Variants in EPB41L4A observed in about 807,000 individuals in gnomAD.
EPB41L4A encodes the protein erythrocyte membrane protein band 4.1 like 4A.
A neutral mutation model predicts 108.6 loss-of-function variants in EPB41L4A; 100 were observed. The ratio of observed to expected loss-of-function variants is 0.92; its 90% CI spans 0.78 to 1.09. EPB41L4A has a LOEUF of 1.09. Among genes scored for constraint, EPB41L4A ranks in the 50% least tolerant of loss-of-function variants. The pLI is 0.00. For missense variants in EPB41L4A, 1,030 were observed against 842.7 expected, an observed-to-expected ratio of 1.22 and a Z score of -2.75; for synonymous variants, 319 against 289.0, an observed-to-expected ratio of 1.10 and a Z score of -1.05.
At position 112,259,212 on chromosome 5, in the gene EPB41L4A, A is replaced by C; in HGVS notation, c.795+17T>G. The stretch of plus-strand genomic sequence containing the variant: ...GACACCCCTCTTCTAATTTAAGCTA[A>C]GGGCTTGGAAACTTACATCTTTTCC... On this transcript the variant is annotated intron_variant, in intron 9 of 22. Transcript: ENST00000261486. 1.3e-6 allele frequency: 2 copies of C among 1,600,000 alleles called. No homozygotes were observed. The highest frequency in any genetic ancestry group is 1.7e-6 in the Non-Finnish European group (2 of 1,167,204).
At chr5:112,210,143 G>T (rs1762665925) in intron 12 of EPB41L4A, 161 bp from the exon 13 acceptor site, 2 of 522,006 alleles carry the variant, frequency 3.8e-6, no homozygotes, top group East Asian at 6.8e-5. Context: ...CAATAAATTG[G>T]AGGTACTATT....
intron 18 of EPB41L4A, among the ~76,000 whole-genome samples, chr5:112,183,556 G>C (rs942742307): frequency 6.6e-6 from 1 of 152,172 alleles, no homozygotes; most frequent in Non-Finnish European, 1.5e-5. Flanking sequence ...GGAGGAGCAC[G>C]CAAATTCCAA....
intron 1 of EPB41L4A, among the ~76,000 whole-genome samples, chr5:112,384,319 T>C (rs1334850703): frequency 2.0e-5 from 3 of 152,128 alleles, no homozygotes; most frequent in African/African-American, 4.8e-5. Context: ...AAGGAAGGGA[T>C]TTTAACTTAA....
chr5:112,168,749 G>T lies in EPB41L4A; in HGVS notation c.1922C>A (p.Thr641Lys), dbSNP rs1487389376. 2.5e-6 allele frequency: 4 copies of T among 1,613,284 alleles called. No individual in the cohort carries two copies. In the Admixed American group the frequency reaches 6.7e-5, roughly 27 times the overall value. The change falls in exon 22 of 23, where the codon ACA becomes AAA. Residue 641 changes from threonine to lysine, a missense_variant. By Grantham distance (78) the Thr-to-Lys change is moderately conservative. Coordinates refer to ENST00000261486, the MANE Select transcript of EPB41L4A (RefSeq NM_022140.5). Reference protein sequence around the residue: ...SSDAQGSGDATVHQRRNGSKD... With the variant: ...SSDAQGSGDAKVHQRRNGSKD... ...CTTACTATTACTAACCTGATGAACT[G>T]TAGCATCCCCAGAACCCTGAGCATC...
At chr5:112,318,802 C>G (rs990771461) in intron 1 of EPB41L4A, among the ~76,000 whole-genome samples, 1 of 152,184 alleles carries the variant, frequency 6.6e-6, no homozygotes, top group African/African-American at 2.4e-5. Flanking sequence ...AAAGCAGATA[C>G]CAAACATTAG....
At chr5:112,212,558 G>T (rs149062994) in intron 12 of EPB41L4A, among the ~76,000 whole-genome samples, 2 of 152,104 alleles carry the variant, frequency 1.3e-5, no homozygotes, top group Admixed American at 1.3e-4. Flanking sequence ...GCCTCCCAAA[G>T]TGCTGGGATT....
intron 2 of EPB41L4A, among the ~76,000 whole-genome samples, chr5:112,283,161 C>A (rs866064188): frequency 6.6e-5 from 10 of 152,088 alleles, no homozygotes; most frequent in Non-Finnish European, 5.9e-5. Flanking sequence ...TTCTGCAGCA[C>A]GAAGCAGCAG....
intron 1 of EPB41L4A, among the ~76,000 whole-genome samples, chr5:112,395,007 T>G (rs1217335449): frequency 1.4e-5 from 2 of 142,694 alleles, no homozygotes; most frequent in African/African-American, 6.2e-5. Flanking sequence ...GGATTCCCTA[T>G]TTAATAAATG....
intron 1 of EPB41L4A, among the ~76,000 whole-genome samples, chr5:112,379,130 G>A (rs560707935): frequency 2.6e-5 from 4 of 152,132 alleles, no homozygotes; most frequent in Non-Finnish European, 5.9e-5. Flanking sequence ...GAGCACCCTG[G>A]GGGGGTCAAG....
At chr5:112,379,876 A>T (rs748845937) in intron 1 of EPB41L4A, among the ~76,000 whole-genome samples, 8 of 152,230 alleles carry the variant, frequency 5.3e-5, no homozygotes, top group Non-Finnish European at 8.8e-5. Flanking sequence ...TAATCCTATA[A>T]GACATAAGAA....
intron 1 of EPB41L4A, among the ~76,000 whole-genome samples, chr5:112,354,948 A>C (rs1256885076): frequency 1.3e-5 from 2 of 152,234 alleles, no homozygotes; most frequent in Non-Finnish European, 2.9e-5. Flanking sequence ...TCTGGAAAGA[A>C]GTATTTTATC....
chr5:112,388,793 CA>C (rs1382127899), intron 1 of EPB41L4A, among the ~76,000 whole-genome samples: 1 of 152,156 alleles, frequency 6.6e-6, no homozygotes, highest in Non-Finnish European at 1.5e-5. Context: ...GTTTGCAGAA[CA>C]AACTGTCTTT....
chr5:112,155,230 T>A (rs1408404238), intron 12 of EPB41L4A, among the ~76,000 whole-genome samples: 1 of 152,186 alleles, frequency 6.6e-6, no homozygotes, highest in Non-Finnish European at 1.5e-5. Context: ...ATTTATATTT[T>A]CCCAGAAGTT....
At chr5:112,289,379 C>T (rs370513092) in intron 2 of EPB41L4A, among the ~76,000 whole-genome samples, 3 of 152,006 alleles carry the variant, frequency 2.0e-5, no homozygotes, top group Admixed American at 1.3e-4. Context: ...AATCCAGGAG[C>T]CTAAGTAGCC....
rs116806338 is a variant in EPB41L4A, at chr5:112,191,793, G to A, written c.1502+2775C>T. ...TCCGGAGTTCCAATGGATACATCAC[G>A]GGCTCCAAAAGAGGTTCTAAAAAGC... On this transcript the variant is annotated intron_variant, in intron 17 of 22. Coordinates refer to ENST00000261486, the MANE Select transcript of EPB41L4A (RefSeq NM_022140.5). Among the ~76,000 whole-genome samples, 547 of 152,140 alleles carry A rather than the reference G, an allele frequency of 3.6e-3. 7 individuals carry two copies. The highest frequency in any genetic ancestry group is 0.013 in the African/African-American group (522 of 41,494).
intron 1 of EPB41L4A, among the ~76,000 whole-genome samples, chr5:112,348,612 C>T (rs1356358165): frequency 6.6e-6 from 1 of 152,058 alleles, no homozygotes; most frequent in African/African-American, 2.4e-5. Context: ...GGCAAATCTG[C>T]AAAGTAAGGC....
chr5:112,345,256 C>T (rs982126411), intron 1 of EPB41L4A, among the ~76,000 whole-genome samples: 2 of 152,062 alleles, frequency 1.3e-5, no homozygotes, highest in Admixed American at 6.6e-5. Context: ...AAATCCACAA[C>T]TGAGAAAAAA....
intron 1 of EPB41L4A, among the ~76,000 whole-genome samples, chr5:112,394,303 C>G (rs1761176670): frequency 6.6e-6 from 1 of 152,118 alleles, no homozygotes; most frequent in Non-Finnish European, 1.5e-5. Flanking sequence ...TCAAATTGTG[C>G]CAGTTTGCAG....
intron 1 of EPB41L4A, among the ~76,000 whole-genome samples, chr5:112,326,421 A>G (rs1756166019): frequency 6.6e-6 from 1 of 152,114 alleles, no homozygotes; most frequent in African/African-American, 2.4e-5. Flanking sequence ...GAGGCAACAA[A>G]CCCCCTTAAG....
Sources: allele counts gnomAD v4.1 joint callset (sites outside exome capture counted in the v4.1 genomes callset), GRCh38; gene constraint gnomAD v4.1.1; transcripts MANE v1.5; gene names NCBI Gene and HGNC (gene_info 2026-07-23, HGNC 2026-07-21).